COL5A1: variants seen among roughly 807,000 people sequenced by gnomAD.
COL5A1 encodes the protein collagen alpha-1(V) chain.
A neutral mutation model predicts 263.7 loss-of-function variants in COL5A1; 16 were observed. That is an observed-to-expected ratio of 0.06 (90% confidence interval 0.04 to 0.09). The LOEUF is 0.09. Among genes scored for constraint, COL5A1 ranks in the 10% least tolerant of loss-of-function variants. The pLI is 1.00. For missense variants in COL5A1, 2,036 were observed against 2,540.5 expected (o/e 0.80, Z 4.27); for synonymous variants, 1,012 against 1,004.5 (o/e 1.01, Z -0.14).
Position 134,811,608 on chromosome 9 carries a change from G to A in COL5A1, c.3690+9G>A. ...GGCCAGTGGGGCTGCAGGTAACTGT[G>A]GGGTTCTCACCACACCGGGCTCCTC... is the stretch of plus-strand genomic sequence containing the variant. On this transcript the variant is annotated intron_variant, in intron 46 of 65. Transcript: ENST00000371817. 1 of 1,549,396 alleles carries A rather than the reference G, an allele frequency of 6.5e-7. No individual in the cohort carries two copies. Among genetic ancestry groups the A allele is most frequent in the Non-Finnish European group, 8.7e-7 (1 of 1,144,320 alleles).
At chr9:134,810,397 T>A in intron 44 of COL5A1, 89 bp downstream of exon 44, 1 of 1,292,530 alleles carries the variant, frequency 7.7e-7, no homozygotes, top group South Asian at 1.2e-5. Flanking sequence ...CACGTTCTCT[T>A]CCAACGTTGC....
intron 61 of COL5A1, 123 bp downstream of exon 61, chr9:134,823,592 G>T: frequency 9.5e-7 from 1 of 1,054,836 alleles, no homozygotes; most frequent in Non-Finnish European, 1.4e-6. Context: ...GGCATGCCCG[G>T]GCCTTGTCCC....
chr9:134,766,362 C>A (rs1474546485), intron 21 of COL5A1, 92 bp from the exon 22 acceptor site: 2 of 1,253,678 alleles, frequency 1.6e-6, no homozygotes, highest in Non-Finnish European at 2.3e-6. Context: ...GTGGGATGGG[C>A]GTCTGAGCTG....
chr9:134,740,002 C>G (rs1835243945), intron 11 of COL5A1, among the ~76,000 whole-genome samples: 1 of 152,102 alleles, frequency 6.6e-6, no homozygotes, highest in African/African-American at 2.4e-5. Context: ...CAGATTGGGC[C>G]ACACAGTAAG....
intron 62 of COL5A1, among the ~76,000 whole-genome samples, chr9:134,825,478 C>T (rs1161635818): frequency 6.6e-6 from 1 of 152,146 alleles, no homozygotes; most frequent in Non-Finnish European, 1.5e-5. Flanking sequence ...TCCAGAGTTC[C>T]TTCCAGAACC....
At chr9:134,814,670 C>A (rs940543282) in intron 49 of COL5A1, 127 bp from the exon 50 acceptor site, 3 of 766,254 alleles carry the variant, frequency 3.9e-6, no homozygotes, top group Admixed American at 2.0e-5. Context: ...CAGCCAGCCC[C>A]CTGCAGGGCT....
rs564275225 is a variant in COL5A1 at position 134,686,604 on chromosome 9, G to T, written c.110-4308G>T. 6.6e-6 allele frequency among the ~76,000 whole-genome samples: 1 copy of T among 152,066 alleles called. No individual in the cohort carries two copies. The highest frequency in any genetic ancestry group is 1.5e-5 in the Non-Finnish European group (1 of 68,024). On this transcript the variant is annotated intron_variant, in intron 1 of 65. Transcript: ENST00000371817. This position sits in a 1 kb window ranked among gnomAD's most constrained non-coding sequence, Gnocchi z 4.6. ...CTTCCTTAAAACTGACCTTGCTGGC[G>T]TCCATTCCTTTATAGGTCTGGGGAC...
intron 4 of COL5A1, among the ~76,000 whole-genome samples, chr9:134,715,880 C>T (rs1393288893): frequency 1.3e-5 from 2 of 152,074 alleles, no homozygotes; most frequent in Non-Finnish European, 2.9e-5. Flanking sequence ...TCTGATCTCT[C>T]TTTCTTTTCC....
intron 11 of COL5A1, among the ~76,000 whole-genome samples, chr9:134,745,339 C>T (rs958902036): frequency 1.3e-5 from 2 of 152,250 alleles, no homozygotes; most frequent in African/African-American, 4.8e-5. Context: ...GCAGGAGCTG[C>T]ATGAATGGCG....
At chr9:134,820,028 G>A (rs954428987) in intron 57 of COL5A1, 88 bp from the exon 58 acceptor site, 1 of 935,070 alleles carries the variant, frequency 1.1e-6, no homozygotes, top group African/African-American at 1.6e-5. Context: ...CCTGTGCCAT[G>A]GCTGTGCTGC....
rs771825059 is a variant in COL5A1, at chr9:134,765,831, C to T, written c.2088+97C>T. 35 of 1,019,646 alleles carry T rather than the reference C, an allele frequency of 3.4e-5. No individual in the cohort carries two copies. The highest frequency in any genetic ancestry group is 3.3e-4 in the Admixed American group (15 of 46,066). The allele number at this position is 1,019,646 out of a possible 1,614,324, so 63.2% of individuals were successfully genotyped here. On this transcript the variant is annotated intron_variant, in intron 21 of 65. Transcript: ENST00000371817. This position sits in a 1 kb window ranked among gnomAD's most constrained non-coding sequence, Gnocchi z 5.1. ...CGCTTGGGCACTGGGGCAGCAAGTC[C>T]GTGCTGGCCCCTCTGGCGCCTGCCT... is the stretch of plus-strand genomic sequence containing the variant.
At position 134,691,087 on chromosome 9, in the gene COL5A1, C is replaced by G. The variant is rs1354571662; in HGVS notation, c.277+8C>G. On this transcript the variant is annotated splice_region_variant and intron_variant, in intron 2 of 65. Transcript: ENST00000371817. The stretch of plus-strand genomic sequence containing the variant: ...CCAAGCAGCTGTACCCTGGTAAGTG[C>G]CGCACCCTTCTGTTTGGGGCGGTGG... 6.2e-7 allele frequency: 1 copy of G among 1,612,638 alleles called. No individual in the cohort carries two copies. Among genetic ancestry groups the G allele is most frequent in the South Asian group, 1.1e-5 (1 of 91,042 alleles).
In COL5A1 at chr9:134,810,312, A is replaced by T; in HGVS notation, c.3528+4A>T. On this transcript the variant is annotated splice_donor_region_variant and intron_variant, in intron 44 of 65. Transcript: ENST00000371817. The stretch of plus-strand genomic sequence containing the variant: ...CAAGGGGGACAAAGGAGAACAGGTA[A>T]GTATTGGCACGGGGGCGCGCGGCAG... 6.2e-7 allele frequency: 1 copy of T among 1,614,062 alleles called. No homozygotes were observed. The highest frequency in any genetic ancestry group is 8.5e-7 in the Non-Finnish European group (1 of 1,179,928).
intron 4 of COL5A1, among the ~76,000 whole-genome samples, chr9:134,705,757 G>A: frequency 6.6e-6 from 1 of 152,156 alleles, no homozygotes; most frequent in Admixed American, 6.5e-5. Flanking sequence ...GCCAGAGGTG[G>A]CCCATCGTCC....
Position 134,731,661 on chromosome 9 carries a change from G to A in COL5A1, c.1330G>A (p.Gly444Arg). Residue 444 changes from glycine (G) to arginine (R), a missense_variant and splice_region_variant, in exon 8 of 66, where the codon GGG (glycine) becomes AGG (arginine). Transcript: ENST00000371817. The stretch of plus-strand genomic sequence containing the variant: ...GGCGAACCAGGATACCATCTATGAA[G>A]GGGTGAGAGGGTGCAGGCCCCCGTT... ...MPANQDTIYE[G>R]IGGPRGEKGQ... 6.2e-7 allele frequency: 1 copy of A among 1,611,496 alleles called. No individual in the cohort carries two copies. Among genetic ancestry groups the A allele is most frequent in the Non-Finnish European group, 8.5e-7 (1 of 1,178,460 alleles).
intron 6 of COL5A1, among the ~76,000 whole-genome samples, chr9:134,729,288 G>A (rs532220519): frequency 1.1e-4 from 17 of 152,354 alleles, no homozygotes; most frequent in Middle Eastern, 3.4e-3. Context: ...GAGGGTGCGT[G>A]AGCGGCAGTG....
At chr9:134,838,974 C>A (rs959500861) in intron 65 of COL5A1, among the ~76,000 whole-genome samples, 6 of 152,224 alleles carry the variant, frequency 3.9e-5, no homozygotes, top group Non-Finnish European at 8.8e-5. Context: ...ACAAGCCCAA[C>A]CACAATTTGA....
intron 4 of COL5A1, among the ~76,000 whole-genome samples, chr9:134,704,850 T>G (rs1833788436): frequency 6.6e-6 from 1 of 151,662 alleles, no homozygotes; most frequent in Non-Finnish European, 1.5e-5. Flanking sequence ...GGCCTCAGAG[T>G]CCCAGCCACC....
At chr9:134,825,944 C>A (rs779059159) in intron 63 of COL5A1, 40 bp downstream of exon 63, 4 of 1,373,500 alleles carry the variant, frequency 2.9e-6, no homozygotes, top group Non-Finnish European at 4.2e-6. Flanking sequence ...GCGGGGCAGG[C>A]GTCACAGACA....
Sources: gnomAD v4.1 joint callset for allele counts (sites outside exome capture counted in the v4.1 genomes callset) on GRCh38, gnomAD v4.1.1 for gene constraint, Gnocchi (gnomAD v3.1) non-coding constraint, MANE v1.5 for transcripts, NCBI Gene and HGNC (gene_info 2026-07-23, HGNC 2026-07-21) for gene names.